The following ADAMTS17 variants were observed in gnomAD, a reference collection of about 807,000 sequenced individuals.
ADAMTS17 encodes A disintegrin and metalloproteinase with thrombospondin motifs 17.
A neutral mutation model predicts 141.5 loss-of-function variants in ADAMTS17; 113 were observed. The observed-to-expected ratio is 0.80, with a 90% CI of 0.69 to 0.93. The LOEUF (loss-of-function observed/expected upper bound fraction) is 0.93. Among genes scored for constraint, ADAMTS17 ranks in the 40% least tolerant of loss-of-function variants. The pLI, the probability that ADAMTS17 is intolerant of heterozygous loss-of-function variation, is 0.00. For missense variants in ADAMTS17, 1,659 were observed against 1,517.9 expected (o/e 1.09, Z -1.54); for synonymous variants, 768 against 630.6 (o/e 1.22, Z -3.27).
intron 8 of ADAMTS17, among the ~76,000 whole-genome samples, chr15:100,188,421 C>A (rs1260952407): frequency 6.6e-6 from 1 of 151,824 alleles, no homozygotes; most frequent in African/African-American, 2.4e-5. Context: ...AACACACACA[C>A]AAAACCAGGT....
chr15:100,178,803 T>C (rs1451194994), intron 8 of ADAMTS17, among the ~76,000 whole-genome samples: 2 of 152,310 alleles, frequency 1.3e-5, no homozygotes, highest in South Asian at 2.1e-4. Context: ...TCCTGAAGGA[T>C]AGTTTTATTT....
intron 8 of ADAMTS17, among the ~76,000 whole-genome samples, chr15:100,167,421 T>A (rs2039992173): frequency 6.6e-6 from 1 of 152,168 alleles, no homozygotes; most frequent in African/African-American, 2.4e-5. Context: ...CAGTTTACCC[T>A]CCCAGATGGT....
intron 9 of ADAMTS17, 121 bp from the exon 10 acceptor site, chr15:100,152,883 G>GAAAAAAAAAA: frequency 1.9e-6 from 2 of 1,067,554 alleles, no homozygotes; most frequent in South Asian, 1.8e-5. Context: ...GTTCCTTATG[G>GAAAAAAAAAA]AAAAAGGACG....
intron 12 of ADAMTS17, among the ~76,000 whole-genome samples, chr15:100,124,339 C>A (rs2037609995): frequency 6.6e-6 from 1 of 152,196 alleles, no homozygotes. Flanking sequence ...GGCTACTTCA[C>A]AAGAAAAGGA....
Position 100,130,299 on chromosome 15 carries a change from G to A in ADAMTS17, c.1721+1708C>T, listed in dbSNP as rs150603628. On this transcript the variant is annotated intron_variant, in intron 12 of 21. Coordinates refer to ENST00000268070, the MANE Select transcript of ADAMTS17 (RefSeq NM_139057.4). ...GAATCACTTGAAGCAGGGAGGCGGA[G>A]GTTGCAGTGAGCCGAGACTGGGCCA... Among the ~76,000 whole-genome samples the A allele has an allele frequency of 9.8e-3, 1,492 of 151,900 alleles. 12 individuals are homozygous for A. The highest frequency in any genetic ancestry group is 0.02 in the Middle Eastern group (6 of 294).
chr15:100,292,348 CACTCACCCCGTGTGAAATTACGAGAGAT>C (rs2044666146), intron 3 of ADAMTS17, among the ~76,000 whole-genome samples: 1 of 151,362 alleles, frequency 6.6e-6, no homozygotes, highest in South Asian at 2.1e-4. Flanking sequence ...TTACGAGAGA[CACTCACCCCGTGTGAAATTACGAGAGAT>C]GCTCACCCCG....
At chr15:100,155,776 C>T (rs1445383709) in intron 8 of ADAMTS17, among the ~76,000 whole-genome samples, 2 of 152,200 alleles carry the variant, frequency 1.3e-5, no homozygotes, top group African/African-American at 4.8e-5. Flanking sequence ...TGAATCTAAG[C>T]CTTCCAACTC....
At chr15:100,052,014 G>T (rs1451363940) in intron 16 of ADAMTS17, among the ~76,000 whole-genome samples, 1 of 152,228 alleles carries the variant, frequency 6.6e-6, no homozygotes, top group Non-Finnish European at 1.5e-5. Flanking sequence ...TAGGATAAGT[G>T]ACTCTGAAAC....
At chr15:100,125,430 C>T (rs1018216669) in intron 12 of ADAMTS17, among the ~76,000 whole-genome samples, 3 of 152,234 alleles carry the variant, frequency 2.0e-5, no homozygotes, top group Non-Finnish European at 4.4e-5. Context: ...AGCCGTCCTC[C>T]CGCCGTCTTA....
chr15:100,055,411 T>G (rs2032483694), intron 15 of ADAMTS17, among the ~76,000 whole-genome samples: 1 of 152,194 alleles, frequency 6.6e-6, no homozygotes. Context: ...TGGCCTCAGT[T>G]CTTGTCTCCA....
At chr15:100,127,203 C>A (rs1479923332) in intron 12 of ADAMTS17, among the ~76,000 whole-genome samples, 3 of 152,080 alleles carry the variant, frequency 2.0e-5, no homozygotes, top group Non-Finnish European at 2.9e-5. Flanking sequence ...GCAAATGAGA[C>A]CTTATTTGGC....
chr15:100,051,833 G>C, intron 16 of ADAMTS17, 102 bp from the exon 17 acceptor site: 1 of 1,431,526 alleles, frequency 7.0e-7, no homozygotes, highest in Non-Finnish European at 9.8e-7. Flanking sequence ...TTCTTTATGA[G>C]GGGTAACCAG....
intron 3 of ADAMTS17, among the ~76,000 whole-genome samples, chr15:100,302,091 C>T (rs1019023858): frequency 6.6e-6 from 1 of 152,178 alleles, no homozygotes; most frequent in East Asian, 1.9e-4. Flanking sequence ...CTTCCCCACC[C>T]TCAGGCCTAA....
At chr15:100,111,559 C>A (rs1188646457) in intron 13 of ADAMTS17, among the ~76,000 whole-genome samples, 3 of 152,238 alleles carry the variant, frequency 2.0e-5, no homozygotes, top group Non-Finnish European at 4.4e-5. Context: ...CAGCCCCCAG[C>A]GTGGAGTCTA....
At chr15:100,082,350 C>T (rs1842522) in intron 15 of ADAMTS17, among the ~76,000 whole-genome samples, 83,146 of 151,690 alleles carry the variant, frequency 0.55, 26,330 homozygotes, top group Non-Finnish European at 0.72. Flanking sequence ...AGGCGTGAGC[C>T]ACCGTGCCTG....
chr15:100,207,960 A>C (rs1198805348), intron 7 of ADAMTS17, among the ~76,000 whole-genome samples: 1 of 152,216 alleles, frequency 6.6e-6, no homozygotes, highest in Non-Finnish European at 1.5e-5. Context: ...GGGAGGAGTC[A>C]GTTTTAAAAG....
intron 7 of ADAMTS17, among the ~76,000 whole-genome samples, chr15:100,251,204 G>A (rs567374499): frequency 9.8e-5 from 15 of 152,326 alleles, no homozygotes; most frequent in African/African-American, 3.4e-4. Context: ...CAGCTGTCAC[G>A]TGAAGAACAG....
At position 100,134,080 on chromosome 15, in the gene ADAMTS17, C is replaced by G. The variant is rs558294683; in HGVS notation, c.1474-765G>C. Reference sequence around the variant, plus strand: ...AATTTATCAAAATCATGAAAGCAGACACAGCCAGTGTCCTCTCTGAAGGAA... The same window carrying G: ...AATTTATCAAAATCATGAAAGCAGAGACAGCCAGTGTCCTCTCTGAAGGAA... On this transcript the variant is annotated intron_variant, in intron 10 of 21. Transcript: ENST00000268070. Among the ~76,000 whole-genome samples, 4 of 152,338 alleles carry G rather than the reference C, an allele frequency of 2.6e-5. No homozygotes were observed. The East Asian group carries it at 7.7e-4, about 29-fold the overall frequency.
At chr15:100,302,258 T>C (rs1043786473) in intron 3 of ADAMTS17, among the ~76,000 whole-genome samples, 1 of 152,256 alleles carries the variant, frequency 6.6e-6, no homozygotes, top group African/African-American at 2.4e-5. Context: ...TTCCTTTTTA[T>C]TGCCAAATAA....
Sources: allele counts gnomAD v4.1 joint callset (sites outside exome capture counted in the v4.1 genomes callset), GRCh38; gene constraint gnomAD v4.1.1; transcripts MANE v1.5; gene names NCBI Gene and HGNC (gene_info 2026-07-23, HGNC 2026-07-21).